The following SNX2 variants were observed in gnomAD, a reference collection of about 807,000 sequenced individuals.
SNX2 encodes the protein sorting nexin 2.
Under a neutral mutation model 69.9 loss-of-function variants are expected in SNX2, and 25 were observed. The observed-to-expected ratio is 0.36, with a 90% CI of 0.26 to 0.50. The LOEUF is 0.50. SNX2 is among the 20% of genes least tolerant of loss of function. SNX2 has a pLI of 0.97. For synonymous variants in SNX2, 229 were observed against 200.4 expected (o/e 1.14, Z -1.20); for missense variants, 551 against 613.3 (o/e 0.90, Z 1.07).
At chr5:122,797,003 C>T (rs1753396492) in intron 2 of SNX2, among the ~76,000 whole-genome samples, 1 of 152,236 alleles carries the variant, frequency 6.6e-6, no homozygotes. Flanking sequence ...TCATAGCTCA[C>T]AGCAGCTTTG....
intron 1 of SNX2, among the ~76,000 whole-genome samples, chr5:122,776,460 G>A (rs1752859127): frequency 6.6e-6 from 1 of 151,840 alleles, no homozygotes; most frequent in Non-Finnish European, 1.5e-5. Context: ...AGTAATTGTG[G>A]TTTTTGCCAT....
Position 122,806,037 on chromosome 5 carries a change from C to T in SNX2, c.644-2240C>T, listed in dbSNP as rs548532657. Among the ~76,000 whole-genome samples the T allele has an allele frequency of 3.2e-4, 48 of 151,984 alleles. No individual in the cohort carries two copies. In the East Asian group the frequency reaches 8.2e-3, roughly 26 times the overall value. On this transcript the variant is annotated intron_variant, in intron 6 of 14. Transcript: ENST00000379516. ...GCTCATGATTCGCCCGTCTCAGCCT[C>T]CCAAAATGCTGGGATTACAGGCGTG...
chr5:122,826,568 ATATG>A (rs1754156605), intron 12 of SNX2: 1 of 547,276 alleles, frequency 1.8e-6, no homozygotes, highest in African/African-American at 2.0e-5. Context: ...TATGTATTAT[ATATG>A]GTATTTTAGT....
intron 11 of SNX2, among the ~76,000 whole-genome samples, chr5:122,823,429 T>C (rs1483224536): frequency 2.0e-5 from 3 of 152,172 alleles, no homozygotes; most frequent in Non-Finnish European, 1.5e-5. Context: ...ACAATAAACA[T>C]GTCCTGGTTC....
At chr5:122,800,964 G>A (rs180858163) in intron 3 of SNX2, among the ~76,000 whole-genome samples, 75 of 149,890 alleles carry the variant, frequency 5.0e-4, no homozygotes, top group Non-Finnish European at 8.3e-4. Context: ...TCTCGACATA[G>A]GGTTGTCATT....
chr5:122,801,194 T>A (rs1753500133), intron 3 of SNX2, among the ~76,000 whole-genome samples: 1 of 152,012 alleles, frequency 6.6e-6, no homozygotes, highest in Admixed American at 6.6e-5. Flanking sequence ...GTATTAAAAT[T>A]AATTAAGGAG....
intron 1 of SNX2, among the ~76,000 whole-genome samples, chr5:122,784,294 T>C (rs986519162): frequency 2.0e-5 from 3 of 151,732 alleles, no homozygotes; most frequent in East Asian, 1.9e-4. Flanking sequence ...GAATATTCTT[T>C]CCTTTTTCAT....
intron 11 of SNX2, among the ~76,000 whole-genome samples, chr5:122,824,608 G>T (rs1369267687): frequency 6.6e-6 from 1 of 152,120 alleles, no homozygotes; most frequent in African/African-American, 2.4e-5. Context: ...TTTTGTCCTG[G>T]TTAATTTAAA....
At chr5:122,814,007 C>T (rs890348051) in intron 7 of SNX2, among the ~76,000 whole-genome samples, 1 of 152,022 alleles carries the variant, frequency 6.6e-6, no homozygotes, top group Non-Finnish European at 1.5e-5. Flanking sequence ...CTCCTGACCT[C>T]GTGATCTGCC....
At chr5:122,789,318 C>T (rs894166175) in intron 1 of SNX2, among the ~76,000 whole-genome samples, 1 of 152,138 alleles carries the variant, frequency 6.6e-6, no homozygotes, top group South Asian at 2.1e-4. Flanking sequence ...TCAGGGTTGA[C>T]CCTGAGATTT....
chr5:122,802,233 C>A, intron 5 of SNX2, 109 bp downstream of exon 5: 1 of 967,470 alleles, frequency 1.0e-6, no homozygotes, highest in Non-Finnish European at 1.6e-6. Context: ...AAGGTTACCA[C>A]CTAATAAAGA....
At chr5:122,809,099 G>A (rs543818737) in intron 7 of SNX2, among the ~76,000 whole-genome samples, 75 of 152,134 alleles carry the variant, frequency 4.9e-4, no homozygotes, top group African/African-American at 1.7e-3. Flanking sequence ...CTAAACATGT[G>A]CAGACATTTT....
At chr5:122,813,564 A>T (rs1337921977) in intron 7 of SNX2, among the ~76,000 whole-genome samples, 2 of 152,046 alleles carry the variant, frequency 1.3e-5, no homozygotes, top group African/African-American at 4.8e-5. Flanking sequence ...AGGAGTTCTC[A>T]CAACACTTAA....
intron 1 of SNX2, among the ~76,000 whole-genome samples, chr5:122,791,636 C>T (rs1472131212): frequency 3.9e-5 from 6 of 152,090 alleles, no homozygotes; most frequent in Non-Finnish European, 5.9e-5. Context: ...AGGCTGGTCT[C>T]GAACTCCTGA....
At chr5:122,789,938 G>A (rs1753190818) in intron 1 of SNX2, among the ~76,000 whole-genome samples, 1 of 152,172 alleles carries the variant, frequency 6.6e-6, no homozygotes, top group African/African-American at 2.4e-5. Flanking sequence ...CTTACCACTT[G>A]TATGAGTTAT....
intron 11 of SNX2, among the ~76,000 whole-genome samples, chr5:122,825,443 G>A (rs1754130276): frequency 6.6e-6 from 1 of 151,836 alleles, no homozygotes; most frequent in South Asian, 2.1e-4. Flanking sequence ...GGATCTTTTT[G>A]TCTATTTCTT....
intron 11 of SNX2, among the ~76,000 whole-genome samples, chr5:122,820,312 TG>T (rs1753993371): frequency 6.6e-6 from 1 of 151,870 alleles, no homozygotes; most frequent in Non-Finnish European, 1.5e-5. Flanking sequence ...CCGAGGCGGG[TG>T]GATCACGAGG....
intron 11 of SNX2, among the ~76,000 whole-genome samples, chr5:122,822,449 A>C (rs1349970377): frequency 6.6e-6 from 1 of 152,108 alleles, no homozygotes; most frequent in Non-Finnish European, 1.5e-5. Flanking sequence ...GTTATTATCT[A>C]TTTCGAATAG....
At chr5:122,783,489 G>A (rs1259619498) in intron 1 of SNX2, among the ~76,000 whole-genome samples, 1 of 152,078 alleles carries the variant, frequency 6.6e-6, no homozygotes, top group African/African-American at 2.4e-5. Flanking sequence ...GTGAGATATG[G>A]GTTGACATTC....
Sources: gnomAD v4.1 joint callset for allele counts (sites outside exome capture counted in the v4.1 genomes callset) on GRCh38, gnomAD v4.1.1 for gene constraint, MANE v1.5 for transcripts, NCBI Gene and HGNC (gene_info 2026-07-23, HGNC 2026-07-21) for gene names.